Variants in CSMD1 observed in about 807,000 individuals in gnomAD.
CSMD1 encodes CUB and sushi domain-containing protein 1.
A neutral mutation model predicts 417.5 loss-of-function variants in CSMD1; 213 were observed. The ratio of observed to expected loss-of-function variants is 0.51; its 90% CI spans 0.46 to 0.57. CSMD1 has a LOEUF of 0.57. Ranked by LOEUF, CSMD1 falls within the 20% of genes least tolerant of loss-of-function variation. The pLI, the probability that CSMD1 is intolerant of heterozygous loss-of-function variation, is 0.00. For missense variants in CSMD1, 6,923 were observed against 4,529.7 expected (o/e 1.53, Z -15.17); for synonymous variants, 2,862 against 1,736.8 (o/e 1.65, Z -16.11).
chr8:4,302,277 G>A (rs571941396), intron 3 of CSMD1, among the ~76,000 whole-genome samples: 1 of 152,190 alleles, frequency 6.6e-6, no homozygotes, highest in Non-Finnish European at 1.5e-5. Flanking sequence ...AAATAGGTAA[G>A]AGATATCCTT....
intron 1 of CSMD1, among the ~76,000 whole-genome samples, chr8:4,723,140 T>G (rs377261246): frequency 6.6e-6 from 1 of 152,156 alleles, no homozygotes; most frequent in South Asian, 2.1e-4. Context: ...AAAATCTATT[T>G]GAGTGCATTA....
chr8:4,656,570 G>A (rs1405420556), intron 1 of CSMD1, among the ~76,000 whole-genome samples: 4 of 151,656 alleles, frequency 2.6e-5, no homozygotes, highest in African/African-American at 4.9e-5. Flanking sequence ...TTGCAAATAC[G>A]ATTGTTGTGA....
chr8:4,695,331 G>C (rs186358492), intron 1 of CSMD1, among the ~76,000 whole-genome samples: 1 of 152,022 alleles, frequency 6.6e-6, no homozygotes, highest in Non-Finnish European at 1.5e-5. Context: ...ACTTCATTCA[G>C]CCTACATCCA....
chr8:3,717,661 A>G (rs1032478373), intron 6 of CSMD1, among the ~76,000 whole-genome samples: 4 of 152,176 alleles, frequency 2.6e-5, no homozygotes, highest in Non-Finnish European at 5.9e-5. Context: ...TATTAATGCT[A>G]TGTGCATTGT....
intron 3 of CSMD1, among the ~76,000 whole-genome samples, chr8:4,051,431 G>A (rs1798419173): frequency 6.6e-6 from 1 of 151,958 alleles, no homozygotes; most frequent in African/African-American, 2.4e-5. Context: ...CCGCAAGGTT[G>A]AAAACGCTTT....
At chr8:3,830,837 T>A (rs959305807) in intron 5 of CSMD1, among the ~76,000 whole-genome samples, 2 of 152,188 alleles carry the variant, frequency 1.3e-5, no homozygotes, top group South Asian at 2.1e-4. Flanking sequence ...AAGCTCTCCT[T>A]TCATGCATGC....
intron 21 of CSMD1, among the ~76,000 whole-genome samples, chr8:3,353,592 T>A (rs960156375): frequency 6.6e-6 from 1 of 152,108 alleles, no homozygotes; most frequent in African/African-American, 2.4e-5. Context: ...GACACTGACA[T>A]TAAGTAAAGA....
At chr8:3,294,332 C>A (rs1229138605) in intron 25 of CSMD1, among the ~76,000 whole-genome samples, 1 of 152,114 alleles carries the variant, frequency 6.6e-6, no homozygotes, top group Non-Finnish European at 1.5e-5. Flanking sequence ...CTGGGAGATC[C>A]ACTACGCTCT....
Position 4,137,088 on chromosome 8 carries a change from T to A in CSMD1, c.416-104989A>T, listed in dbSNP as rs527541338. 3.9e-5 allele frequency among the ~76,000 whole-genome samples: 6 copies of A among 152,350 alleles called. No individual in the cohort carries two copies. In the East Asian group the frequency reaches 1.2e-3, roughly 29 times the overall value. On this transcript the variant is annotated intron_variant, in intron 3 of 69. Transcript: ENST00000635120. ...TCCTTTGCTACTTCCCTTAGTTGTC[T>A]GCTTATTTTGGGAGAATTTTCAAAA... is the stretch of plus-strand genomic sequence containing the variant.
chr8:3,522,692 C>T (rs1435238233), intron 10 of CSMD1, among the ~76,000 whole-genome samples: 16 of 151,944 alleles, frequency 1.1e-4, no homozygotes, highest in Admixed American at 3.3e-4. Flanking sequence ...GATCAGTCGT[C>T]CCGGTACATT....
intron 3 of CSMD1, among the ~76,000 whole-genome samples, chr8:4,337,892 G>A (rs1434119855): frequency 1.3e-5 from 2 of 152,042 alleles, no homozygotes; most frequent in Non-Finnish European, 2.9e-5. Context: ...TTCAGCTTAA[G>A]ACAAAATGAC....
At chr8:3,277,806 C>T (rs542641372) in intron 26 of CSMD1, among the ~76,000 whole-genome samples, 1 of 152,246 alleles carries the variant, frequency 6.6e-6, no homozygotes, top group Non-Finnish European at 1.5e-5. Context: ...CATTTATTAA[C>T]TAGTAATGGG....
chr8:4,091,215 T>G lies in CSMD1; in HGVS notation c.416-59116A>C, dbSNP rs921917028. 3.9e-5 allele frequency among the ~76,000 whole-genome samples: 6 copies of G among 152,096 alleles called. No individual in the cohort carries two copies. The East Asian group carries it at 1.2e-3, about 29-fold the overall frequency. On this transcript the variant is annotated intron_variant, in intron 3 of 69. Coordinates refer to ENST00000635120, the MANE Select transcript of CSMD1 (RefSeq NM_033225.6). ...ATTACGGGCTTGAACCACCACGCCC[T>G]GCCAAAAGCAGTCTTAAAGGTGAAT...
intron 49 of CSMD1, among the ~76,000 whole-genome samples, chr8:3,055,014 G>A (rs971075667): frequency 2.0e-5 from 3 of 152,084 alleles, no homozygotes; most frequent in African/African-American, 4.8e-5. Context: ...TGAAAATCAC[G>A]TGTTCATGAT....
At chr8:4,156,222 G>T (rs923871133) in intron 3 of CSMD1, among the ~76,000 whole-genome samples, 1 of 152,124 alleles carries the variant, frequency 6.6e-6, no homozygotes, top group Non-Finnish European at 1.5e-5. Context: ...TGATATCCTT[G>T]GGGTGGTAGC....
rs1585370802 is a variant in CSMD1, at chr8:4,637,083, C to T, written c.302+259G>A. On this transcript the variant is annotated intron_variant, in intron 2 of 69. Coordinates refer to ENST00000635120, the MANE Select transcript of CSMD1 (RefSeq NM_033225.6). The stretch of plus-strand genomic sequence containing the variant: ...CAAAAGCAGCCCAACGGGTTGGTCT[C>T]CCTTGCTGTGCTGTGGAAACTTTAT... Among the ~76,000 whole-genome samples the T allele has an allele frequency of 2.0e-5, 3 of 152,218 alleles. No homozygotes were observed. The South Asian group carries it at 6.2e-4, about 32-fold the overall frequency.
intron 4 of CSMD1, among the ~76,000 whole-genome samples, chr8:4,017,936 T>C (rs1016556417): frequency 6.6e-6 from 1 of 152,162 alleles, no homozygotes; most frequent in Non-Finnish European, 1.5e-5. Flanking sequence ...ATAAAGCTGG[T>C]TGCACACAAT....
chr8:3,163,929 T>C (rs1050531045), intron 37 of CSMD1, among the ~76,000 whole-genome samples: 3 of 152,158 alleles, frequency 2.0e-5, no homozygotes, highest in Non-Finnish European at 2.9e-5. Context: ...GGTGTGTCCA[T>C]GTATATGAGC....
intron 1 of CSMD1, among the ~76,000 whole-genome samples, chr8:4,678,932 A>G (rs553166145): frequency 1.2e-4 from 18 of 152,344 alleles, no homozygotes; most frequent in African/African-American, 4.3e-4. Context: ...ACTTAACTAC[A>G]TAAACCAAAC....
Sources: allele counts gnomAD v4.1 joint callset (sites outside exome capture counted in the v4.1 genomes callset), GRCh38; gene constraint gnomAD v4.1.1; transcripts MANE v1.5; gene names NCBI Gene and HGNC (gene_info 2026-07-23, HGNC 2026-07-21).